COG4: variants seen among roughly 807,000 people sequenced by gnomAD.
COG4 encodes the protein conserved oligomeric Golgi complex subunit 4.
In COG4, 65 loss-of-function variants were observed where a neutral mutation model predicts 95.1. That is an observed-to-expected ratio of 0.68 (90% confidence interval 0.56 to 0.84). The LOEUF is 0.84. Among genes scored for constraint, COG4 ranks in the 40% least tolerant of loss-of-function variants. The probability of loss-of-function intolerance (pLI) is 0.00; values close to 1 mark genes in which losing one functional copy is unlikely to be tolerated. For synonymous variants in COG4, 421 were observed against 374.8 expected, an observed-to-expected ratio of 1.12 and a Z score of -1.42; for missense variants, 1,045 against 989.1, an observed-to-expected ratio of 1.06 and a Z score of -0.76.
At chr16:70,522,565 C>T (rs2049971690) in intron 1 of COG4, among the ~76,000 whole-genome samples, 1 of 152,228 alleles carries the variant, frequency 6.6e-6, no homozygotes, top group Non-Finnish European at 1.5e-5. Flanking sequence ...TATCAACGAT[C>T]ACCTCTCCCT....
chr16:70,497,140 C>G (rs1257003873), intron 11 of COG4, 81 bp downstream of exon 11: 2 of 1,353,970 alleles, frequency 1.5e-6, no homozygotes, highest in Non-Finnish European at 2.1e-6. Context: ...ATCATGAGGA[C>G]AAAGGGCAGA....
chr16:70,483,391 G>A (rs2151739233), intron 14 of COG4, among the ~76,000 whole-genome samples: 2 of 150,312 alleles, frequency 1.3e-5, no homozygotes, highest in East Asian at 4.0e-4. Context: ...CCCTGTTGGA[G>A]GTTATAACAG....
At chr16:70,483,436 GC>G (rs1434317033) in intron 14 of COG4, among the ~76,000 whole-genome samples, 5 of 151,374 alleles carry the variant, frequency 3.3e-5, no homozygotes, top group Non-Finnish European at 7.4e-5. Context: ...CCAGGAACAT[GC>G]CCCTTTCCAG....
At position 70,504,609 on chromosome 16, in the gene COG4, TA is replaced by T. The variant is rs66751123; in HGVS notation, c.1062-3519del. On this transcript the variant is annotated intron_variant, in intron 8 of 18. Coordinates refer to ENST00000323786, the MANE Select transcript of COG4 (RefSeq NM_015386.3). ...GTGACGGAGTGAGTGAGATTCTATT[TA>T]AAAAAAAAAAAAAAAAAAGAGGCCG... 1.6e-3 allele frequency among the ~76,000 whole-genome samples: 192 copies of T among 121,952 alleles called. 1 individual carries two copies. The highest frequency in any genetic ancestry group is 5.6e-3 in the East Asian group (26 of 4,672). The allele number at this position is 121,952 out of a possible 152,430, so 80.0% of individuals were successfully genotyped here.
rs1053501652 is a variant in COG4 at position 70,508,722 on chromosome 16, A to G, written c.1003-258T>C. 1.1e-5 allele frequency: 7 copies of G among 633,514 alleles called. No homozygotes were observed. The Admixed American group carries it at 1.5e-4, about 14-fold the overall frequency. 39.2% of individuals were successfully genotyped at this position (633,514 alleles called of 1,614,324 possible). ...GGTGTTCCAATAGACTACTGTTTAT[A>G]GTCTCCTAGTCTGGAGTTCTAGAAA... is the stretch of plus-strand genomic sequence containing the variant. On this transcript the variant is annotated intron_variant, in intron 7 of 18. Coordinates refer to ENST00000323786, the MANE Select transcript of COG4 (RefSeq NM_015386.3).
intron 8 of COG4, among the ~76,000 whole-genome samples, chr16:70,501,937 G>A (rs1002480204): frequency 6.6e-6 from 1 of 151,806 alleles, no homozygotes; most frequent in Non-Finnish European, 1.5e-5. Context: ...CTCTTGAAGT[G>A]CTGGGATTAC....
chr16:70,487,778 T>C (rs565813889), intron 13 of COG4, among the ~76,000 whole-genome samples: 1 of 152,334 alleles, frequency 6.6e-6, no homozygotes, highest in Non-Finnish European at 1.5e-5. Flanking sequence ...CTCCATGCTG[T>C]TATTTTTATT....
intron 3 of COG4, among the ~76,000 whole-genome samples, 186 bp from the exon 4 acceptor site, chr16:70,514,695 T>C (rs1255849765): frequency 6.6e-6 from 1 of 152,156 alleles, no homozygotes; most frequent in African/African-American, 2.4e-5. Flanking sequence ...TATCATACAA[T>C]GTTAATAACG....
Position 70,517,619 on chromosome 16 carries a change from G to A in COG4, c.369+7C>T, listed in dbSNP as rs760609282. 2 of 741,248 alleles carry A rather than the reference G, an allele frequency of 2.7e-6. No individual in the cohort carries two copies. Among genetic ancestry groups the A allele is most frequent in the South Asian group, 1.4e-5 (1 of 74,026 alleles). 45.9% of individuals were successfully genotyped at this position (741,248 alleles called of 1,614,324 possible). On this transcript the variant is annotated splice_region_variant and intron_variant, in intron 3 of 18. Transcript: ENST00000323786. ...AAAAAAAAAAAAAAAAAAGCTTGAT[G>A]TATTACCTTGGCCAGGTCAAGCTGA...
At chr16:70,500,880 G>A in intron 9 of COG4, 78 bp downstream of exon 9, 3 of 1,553,198 alleles carry the variant, frequency 1.9e-6, no homozygotes, top group Middle Eastern at 3.3e-4. Context: ...TCCTTAATAA[G>A]AGATTTGTGG....
intron 12 of COG4, among the ~76,000 whole-genome samples, chr16:70,494,331 C>T (rs2049299523): frequency 6.6e-6 from 1 of 152,176 alleles, no homozygotes; most frequent in East Asian, 1.9e-4. Context: ...CGTGGATTCA[C>T]TGGGTTTATT....
At chr16:70,490,694 G>GT (rs922951623) in intron 12 of COG4, among the ~76,000 whole-genome samples, 7 of 151,806 alleles carry the variant, frequency 4.6e-5, no homozygotes, top group African/African-American at 1.4e-4. Context: ...TTGTTTTTTT[G>GT]TTTTTTTGAG....
chr16:70,487,427 TC>T (rs1389006731), intron 13 of COG4, among the ~76,000 whole-genome samples: 1 of 151,790 alleles, frequency 6.6e-6, no homozygotes, highest in Non-Finnish European at 1.5e-5. Flanking sequence ...CAAAACCCCA[TC>T]CCTACTAAAA....
At chr16:70,516,498 G>C (rs1164006962) in intron 3 of COG4, among the ~76,000 whole-genome samples, 1 of 151,938 alleles carries the variant, frequency 6.6e-6, no homozygotes, top group Admixed American at 6.6e-5. Context: ...GGGTTTCACG[G>C]TGTTAGCCAG....
At chr16:70,489,954 A>C (rs1222561488) in intron 13 of COG4, among the ~76,000 whole-genome samples, 1 of 152,054 alleles carries the variant, frequency 6.6e-6, no homozygotes, top group Non-Finnish European at 1.5e-5. Flanking sequence ...AGCAGCTGGG[A>C]TTACAGGTGT....
intron 13 of COG4, among the ~76,000 whole-genome samples, chr16:70,486,356 G>A (rs911104743): frequency 6.6e-6 from 1 of 152,140 alleles, no homozygotes; most frequent in African/African-American, 2.4e-5. Context: ...AAGCAGAGTG[G>A]AAGAACTAAG....
intron 12 of COG4, among the ~76,000 whole-genome samples, chr16:70,494,455 C>T (rs2049301669): frequency 6.6e-6 from 1 of 152,190 alleles, no homozygotes; most frequent in Non-Finnish European, 1.5e-5. Context: ...ATTTTAAATA[C>T]TTGGTGTCAG....
chr16:70,492,369 A>C (rs7200586), intron 12 of COG4, among the ~76,000 whole-genome samples: 1 of 152,116 alleles, frequency 6.6e-6, no homozygotes, highest in Non-Finnish European at 1.5e-5. Context: ...TGATAAAAGT[A>C]GCATGGAGGC....
chr16:70,496,096 AAT>A (rs2049333947), intron 12 of COG4, among the ~76,000 whole-genome samples, 168 bp downstream of exon 12: 1 of 152,312 alleles, frequency 6.6e-6, no homozygotes, highest in South Asian at 2.1e-4. Context: ...CTGAGTAAGA[AAT>A]AGTTTCAGAA....
Sources: allele counts gnomAD v4.1 joint callset (sites outside exome capture counted in the v4.1 genomes callset), GRCh38; gene constraint gnomAD v4.1.1; transcripts MANE v1.5; gene names NCBI Gene and HGNC (gene_info 2026-07-23, HGNC 2026-07-21).